PRKG1: variants seen among roughly 807,000 people sequenced by gnomAD.
PRKG1 encodes the protein protein kinase cGMP-dependent 1.
PRKG1 carries 35 observed loss-of-function variants against 88.1 expected under a neutral mutation model. The ratio of observed to expected loss-of-function variants is 0.40; its 90% CI spans 0.30 to 0.53. The LOEUF (loss-of-function observed/expected upper bound fraction) is 0.53, where lower values mean the gene tolerates loss of function less well. Ranked by LOEUF, PRKG1 falls within the 20% of genes least tolerant of loss-of-function variation. The pLI is 0.59. For missense variants in PRKG1, 540 were observed against 839.8 expected, an observed-to-expected ratio of 0.64 and a Z score of 4.41; for synonymous variants, 303 against 292.5, an observed-to-expected ratio of 1.04 and a Z score of -0.37.
At chr10:51,121,761 C>G (rs1461478091) in intron 1 of PRKG1, among the ~76,000 whole-genome samples, 3 of 152,144 alleles carry the variant, frequency 2.0e-5, no homozygotes, top group African/African-American at 7.2e-5. Flanking sequence ...GTCATAATCA[C>G]CCATCAGTAC....
At chr10:51,272,510 T>A (rs1024415520) in intron 2 of PRKG1, among the ~76,000 whole-genome samples, 13 of 152,150 alleles carry the variant, frequency 8.5e-5, no homozygotes, top group Non-Finnish European at 1.5e-5. Context: ...TTTTGTTTTT[T>A]TTTTTAAGTA....
At chr10:51,379,481 G>GAACATCTTT (rs1203174879) in intron 2 of PRKG1, among the ~76,000 whole-genome samples, 5 of 152,136 alleles carry the variant, frequency 3.3e-5, no homozygotes, top group African/African-American at 1.2e-4. Context: ...TTAATAAAAT[G>GAACATCTTT]AACATCTTTC....
At chr10:51,521,472 T>G (rs1841735227) in intron 3 of PRKG1, among the ~76,000 whole-genome samples, 1 of 152,204 alleles carries the variant, frequency 6.6e-6, no homozygotes, top group Admixed American at 6.5e-5. Flanking sequence ...TTGACTAAAC[T>G]GTTGGGCCAC....
chr10:51,358,807 CT>C (rs1842419364), intron 2 of PRKG1, among the ~76,000 whole-genome samples: 1 of 151,732 alleles, frequency 6.6e-6, no homozygotes. Context: ...GGGTCTTTAA[CT>C]GTGTTACCAT....
intron 5 of PRKG1, among the ~76,000 whole-genome samples, chr10:52,013,069 C>T (rs754364021): frequency 5.3e-5 from 8 of 152,124 alleles, no homozygotes; most frequent in East Asian, 3.9e-4. Flanking sequence ...AGGCTGCATA[C>T]GTATAATTCT....
Position 51,796,288 on chromosome 10 carries a change from C to T in PRKG1, c.593-8297C>T, listed in dbSNP as rs1839008415. Among the ~76,000 whole-genome samples the T allele has an allele frequency of 2.0e-5, 3 of 152,018 alleles. No homozygotes were observed. In the South Asian group the frequency reaches 6.2e-4, roughly 32 times the overall value. On this transcript the variant is annotated intron_variant, in intron 3 of 17. Transcript: ENST00000373980. ...ATAATTTTATATTTTCTGGTGATAACATTAAAACGTAAAGAGAAGCAAGTA... is the reference window on the plus strand; with the variant it reads ...ATAATTTTATATTTTCTGGTGATAATATTAAAACGTAAAGAGAAGCAAGTA...
At chr10:51,368,688 G>A (rs1842639006) in intron 2 of PRKG1, among the ~76,000 whole-genome samples, 1 of 152,076 alleles carries the variant, frequency 6.6e-6, no homozygotes, top group African/African-American at 2.4e-5. Context: ...CTTTCTAGTG[G>A]ATCAAGACTA....
At position 52,225,844 on chromosome 10, in the gene PRKG1, A is replaced by G. The variant is rs143410660; in HGVS notation, c.1077-25726A>G. 9.2e-5 allele frequency among the ~76,000 whole-genome samples: 14 copies of G among 152,216 alleles called. No individual in the cohort carries two copies. The East Asian group carries it at 1.7e-3, about 19-fold the overall frequency. On this transcript the variant is annotated intron_variant, in intron 9 of 17. Transcript: ENST00000373980. ...GCTCTCCATTCTGTTCCATTGGTCT[A>G]TGTGCCTTTTTTTGTGCCAGTACCA...
intron 1 of PRKG1, among the ~76,000 whole-genome samples, chr10:51,132,286 A>G (rs1845585078): frequency 6.6e-6 from 1 of 152,286 alleles, no homozygotes; most frequent in Admixed American, 6.5e-5. Flanking sequence ...TACTTGCCCT[A>G]ATGCAGAGAA....
At position 52,171,785 on chromosome 10, in the gene PRKG1, A is replaced by ATTTTTTTT. The variant is rs1358641112; in HGVS notation, c.1076+9822_1076+9823insTTTTTTTT. 6.8e-3 allele frequency among the ~76,000 whole-genome samples: 828 copies of ATTTTTTTT among 122,394 alleles called. 39 individuals are homozygous for ATTTTTTTT. The highest frequency in any genetic ancestry group is 0.05 in the East Asian group (188 of 3,776). The allele number at this position is 122,394 out of a possible 152,430, so 80.3% of individuals were successfully genotyped here. A position where few individuals can be genotyped will look rare whatever the true frequency, so the allele number is the denominator to read the frequency against. On this transcript the variant is annotated intron_variant, in intron 9 of 17. Coordinates refer to ENST00000373980, the MANE Select transcript of PRKG1 (RefSeq NM_006258.4). The stretch of plus-strand genomic sequence containing the variant: ...AATAGAAGTATTTTTCTTTTATCAA[A>ATTTTTTTT]ATTTTTTTTTTTTTTTTTTTTTTTT...
intron 2 of PRKG1, among the ~76,000 whole-genome samples, chr10:51,223,708 A>G (rs1182176642): frequency 6.6e-5 from 10 of 152,128 alleles, no homozygotes; most frequent in Admixed American, 6.5e-4. Flanking sequence ...TTATTATTAT[A>G]AAAACAATTC....
At chr10:51,366,584 T>C (rs1190643229) in intron 2 of PRKG1, among the ~76,000 whole-genome samples, 1 of 151,968 alleles carries the variant, frequency 6.6e-6, no homozygotes, top group Non-Finnish European at 1.5e-5. Context: ...ATTCTATCTC[T>C]CTGTTAAGTT....
intron 5 of PRKG1, among the ~76,000 whole-genome samples, chr10:51,983,412 C>T (rs960832148): frequency 2.6e-5 from 4 of 152,196 alleles, no homozygotes; most frequent in African/African-American, 9.6e-5. Context: ...CAGGCATAGT[C>T]TGCCTGTGAA....
chr10:51,194,652 T>A (rs1837716231), intron 2 of PRKG1, among the ~76,000 whole-genome samples: 1 of 152,134 alleles, frequency 6.6e-6, no homozygotes, highest in South Asian at 2.1e-4. Flanking sequence ...TTAGTAGTTT[T>A]TCGGTGTGTG....
At chr10:51,286,597 TAC>T (rs1840446839) in intron 2 of PRKG1, among the ~76,000 whole-genome samples, 1 of 152,216 alleles carries the variant, frequency 6.6e-6, no homozygotes, top group South Asian at 2.1e-4. Flanking sequence ...AACTGACATA[TAC>T]AGTTATTATA....
chr10:52,165,979 T>A (rs1232560833), intron 9 of PRKG1, among the ~76,000 whole-genome samples: 1 of 152,224 alleles, frequency 6.6e-6, no homozygotes, highest in Admixed American at 6.5e-5. Flanking sequence ...TCTCATGAGA[T>A]ATATTTTCTA....
chr10:51,913,154 C>T (rs896697168), intron 5 of PRKG1, among the ~76,000 whole-genome samples: 4 of 152,154 alleles, frequency 2.6e-5, no homozygotes, highest in East Asian at 1.9e-4. Flanking sequence ...GTCTTGAACG[C>T]CTGACCTCAG....
At chr10:51,097,806 A>G (rs1263490949) in intron 1 of PRKG1, among the ~76,000 whole-genome samples, 1 of 152,096 alleles carries the variant, frequency 6.6e-6, no homozygotes, top group African/African-American at 2.4e-5. Flanking sequence ...GCAGGAATGG[A>G]CAGAGGCCAT....
intron 5 of PRKG1, among the ~76,000 whole-genome samples, chr10:51,979,829 G>T (rs757703920): frequency 1.3e-5 from 2 of 151,648 alleles, no homozygotes; most frequent in African/African-American, 2.4e-5. Context: ...TTCAGGTCAG[G>T]GAAATATCCT....
Sources: gnomAD v4.1 joint callset for allele counts (sites outside exome capture counted in the v4.1 genomes callset) on GRCh38, gnomAD v4.1.1 for gene constraint, MANE v1.5 for transcripts, NCBI Gene and HGNC (gene_info 2026-07-23, HGNC 2026-07-21) for gene names.